KCNMA1: variants seen among roughly 807,000 people sequenced by gnomAD.
The protein encoded by KCNMA1 is potassium calcium-activated channel subfamily M alpha 1.
KCNMA1 carries 29 observed loss-of-function variants against 140.0 expected under a neutral mutation model. That is an observed-to-expected ratio of 0.21 (90% CI 0.15 to 0.28). The LOEUF (loss-of-function observed/expected upper bound fraction) is 0.28. KCNMA1 is among the 10% of genes least tolerant of loss of function. The pLI is 1.00. For synonymous variants in KCNMA1, 612 were observed against 611.9 expected (o/e 1.00, Z 0.00); for missense variants, 880 against 1,602.2 (o/e 0.55, Z 7.70).
At chr10:77,047,856 G>A (rs17480698) in intron 14 of KCNMA1, among the ~76,000 whole-genome samples, 3,430 of 152,140 alleles carry the variant, frequency 0.023, 57 homozygotes, top group South Asian at 0.054. Context: ...TCAGTCAGAC[G>A]TCTGCCAAAC....
chr10:77,535,246 A>G (rs975632057), intron 1 of KCNMA1, among the ~76,000 whole-genome samples: 1 of 152,232 alleles, frequency 6.6e-6, no homozygotes, highest in Non-Finnish European at 1.5e-5. Context: ...AGGTCCCACC[A>G]TTGACTCCTG....
At chr10:76,947,275 T>C (rs12573143) in intron 22 of KCNMA1, among the ~76,000 whole-genome samples, 11,310 of 152,142 alleles carry the variant, frequency 0.074, 1,324 homozygotes, top group East Asian at 0.64. Flanking sequence ...AGGTGAAGGT[T>C]GCAGTGAGCC....
At position 77,282,278 on chromosome 10, in the gene KCNMA1, C is replaced by T. The variant is rs146028723; in HGVS notation, c.541-31022G>A. On this transcript the variant is annotated intron_variant, in intron 2 of 27. Transcript: ENST00000286628. ...GACCTCTGGCATCAGGCTTCCTCTCCCTAAACACCCCAGCCAGGCTGCACT... is the reference window on the plus strand; with the variant it reads ...GACCTCTGGCATCAGGCTTCCTCTCTCTAAACACCCCAGCCAGGCTGCACT... 5.7e-3 allele frequency among the ~76,000 whole-genome samples: 872 copies of T among 152,232 alleles called. 10 individuals carry two copies. The highest frequency in any genetic ancestry group is 0.013 in the Admixed American group (203 of 15,288).
At chr10:77,331,374 A>G (rs1034196034) in intron 2 of KCNMA1, among the ~76,000 whole-genome samples, 4 of 152,212 alleles carry the variant, frequency 2.6e-5, no homozygotes, top group Non-Finnish European at 5.9e-5. Context: ...ATGAATTTCC[A>G]TTAAACATAT....
At chr10:77,017,746 C>T (rs1437151168) in intron 17 of KCNMA1, among the ~76,000 whole-genome samples, 2 of 152,176 alleles carry the variant, frequency 1.3e-5, no homozygotes, top group African/African-American at 4.8e-5. Context: ...ATTAAGAGTG[C>T]AAGCTCCAAC....
chr10:77,361,267 T>C (rs769862030), intron 2 of KCNMA1, among the ~76,000 whole-genome samples: 8 of 152,204 alleles, frequency 5.3e-5, no homozygotes, highest in Non-Finnish European at 8.8e-5. Context: ...ATCATCATCA[T>C]TGGGGCAGAC....
chr10:77,498,164 G>A (rs72807595), intron 1 of KCNMA1, among the ~76,000 whole-genome samples: 11,221 of 152,228 alleles, frequency 0.074, 1,115 homozygotes, highest in East Asian at 0.5. Context: ...CCTGAGAAGC[G>A]GCAGGATGGT....
intron 1 of KCNMA1, among the ~76,000 whole-genome samples, chr10:77,408,137 T>C (rs1315885330): frequency 1.3e-5 from 2 of 152,182 alleles, no homozygotes; most frequent in African/African-American, 4.8e-5. Flanking sequence ...AACCTCCCAT[T>C]TTTAAGATGA....
intron 5 of KCNMA1, among the ~76,000 whole-genome samples, chr10:77,149,052 C>A (rs578149880): frequency 6.6e-6 from 1 of 152,162 alleles, no homozygotes; most frequent in Admixed American, 6.6e-5. Flanking sequence ...TTCAAATAGA[C>A]GATGAAATCC....
intron 2 of KCNMA1, among the ~76,000 whole-genome samples, chr10:77,290,566 T>C (rs138105128): frequency 1.4e-3 from 219 of 152,332 alleles, no homozygotes; most frequent in Non-Finnish European, 2.3e-3. Context: ...TACCCAATTA[T>C]TCACGTGCAC....
chr10:77,267,697 T>C (rs552992290), intron 2 of KCNMA1, among the ~76,000 whole-genome samples: 7 of 152,284 alleles, frequency 4.6e-5, no homozygotes, highest in Admixed American at 3.3e-4. Flanking sequence ...CCAAGAAAAT[T>C]TTAAGTTGCC....
At chr10:77,225,533 C>T (rs1403551643) in intron 3 of KCNMA1, among the ~76,000 whole-genome samples, 1 of 152,166 alleles carries the variant, frequency 6.6e-6, no homozygotes, top group Non-Finnish European at 1.5e-5. Flanking sequence ...TAGAATTCTC[C>T]CACCTGAGAG....
At chr10:77,345,474 C>T (rs1440147872) in intron 2 of KCNMA1, among the ~76,000 whole-genome samples, 1 of 152,032 alleles carries the variant, frequency 6.6e-6, no homozygotes, top group African/African-American at 2.4e-5. Flanking sequence ...TCTAGAAGAC[C>T]CTGGCCTCCC....
intron 2 of KCNMA1, among the ~76,000 whole-genome samples, chr10:77,364,684 G>T (rs920114774): frequency 2.0e-5 from 3 of 152,074 alleles, no homozygotes; most frequent in African/African-American, 7.2e-5. Flanking sequence ...CCTACCAAAT[G>T]ACACAAGTGG....
chr10:77,584,369 G>A (rs1220440364), intron 1 of KCNMA1, among the ~76,000 whole-genome samples: 2 of 152,126 alleles, frequency 1.3e-5, no homozygotes, highest in African/African-American at 4.8e-5. Context: ...TTTTGTTTTT[G>A]TTTTGAGACT....
intron 3 of KCNMA1, among the ~76,000 whole-genome samples, chr10:77,226,172 G>C (rs571732171): frequency 2.1e-4 from 32 of 152,114 alleles, no homozygotes; most frequent in Non-Finnish European, 3.4e-4. Context: ...TTTCAGGAAG[G>C]GTCATGGACT....
At chr10:77,437,827 C>T (rs746212346) in intron 1 of KCNMA1, among the ~76,000 whole-genome samples, 5 of 152,128 alleles carry the variant, frequency 3.3e-5, no homozygotes, top group East Asian at 1.9e-4. Flanking sequence ...TGACTCGGGT[C>T]GTCTTCCTTA....
Position 77,018,939 on chromosome 10 carries a change from A to C in KCNMA1, c.2015+74T>G, listed in dbSNP as rs886877871. 1.1e-5 allele frequency: 9 copies of C among 839,192 alleles called. No individual in the cohort carries two copies. In the African/African-American group the frequency reaches 1.5e-4, roughly 14 times the overall value. 52.0% of individuals were successfully genotyped at this position (839,192 alleles called of 1,614,324 possible). ...TGTTAAGGAGTTTTGGGGTTATGGA[A>C]GCCTGCCTACTTCCGTGGGTCAAGG... On this transcript the variant is annotated intron_variant, in intron 17 of 27. Coordinates refer to ENST00000286628, the MANE Select transcript of KCNMA1 (RefSeq NM_001161352.2).
intron 1 of KCNMA1, among the ~76,000 whole-genome samples, chr10:77,633,139 AC>A (rs1233665807): frequency 1.3e-5 from 2 of 152,088 alleles, no homozygotes; most frequent in Admixed American, 6.6e-5. Flanking sequence ...ATGTGGTGAA[AC>A]CCCGTCTCTA....
Sources: allele counts gnomAD v4.1 joint callset (sites outside exome capture counted in the v4.1 genomes callset), GRCh38; gene constraint gnomAD v4.1.1; transcripts MANE v1.5; gene names NCBI Gene and HGNC (gene_info 2026-07-23, HGNC 2026-07-21).